Variants in C6orf58 observed in about 807,000 individuals in gnomAD.
C6orf58 encodes chromosome 6 open reading frame 58, also known as protein LEG1 homolog.
In C6orf58, 30 loss-of-function variants were observed where a neutral mutation model predicts 37.0. The observed-to-expected ratio is 0.81, with a 90% CI of 0.61 to 1.10. The LOEUF (loss-of-function observed/expected upper bound fraction) is 1.10, where lower values mean the gene tolerates loss of function less well. C6orf58 is among the 50% of genes least tolerant of loss of function. The pLI is 0.00. For synonymous variants in C6orf58, 143 were observed against 134.1 expected, an observed-to-expected ratio of 1.07 and a Z score of -0.46; for missense variants, 368 against 387.5, an observed-to-expected ratio of 0.95 and a Z score of 0.42.
chr6:127,585,652 C>T (rs1775099512), intron 4 of C6orf58, among the ~76,000 whole-genome samples: 1 of 152,112 alleles, frequency 6.6e-6, no homozygotes, highest in Admixed American at 6.5e-5. Context: ...ACTAATACTC[C>T]AAGAAAACCT....
Position 127,591,573 on chromosome 6 carries a change from A to G in C6orf58, c.944A>G (p.Tyr315Cys). ...GYLCTEKSNV[Y>C]RDHSESSSRS... is the part of the protein sequence containing the mutation. Reference sequence around the variant, plus strand: ...CTTTGTACAGAAAAATCTAATGTATATAGAGATCATTCGGAATCTAGCTCT... The same window carrying G: ...CTTTGTACAGAAAAATCTAATGTATGTAGAGATCATTCGGAATCTAGCTCT... The change falls in exon 6 of 6, where the codon TAT (tyrosine) becomes TGT (cysteine). Residue 315 changes from tyrosine (Y) to cysteine (C), a missense_variant. Coordinates refer to ENST00000329722, the MANE Select transcript of C6orf58 (RefSeq NM_001010905.3). The G allele has an allele frequency of 6.5e-7, 1 of 1,534,154 alleles. No homozygotes were observed. Among genetic ancestry groups the G allele is most frequent in the Non-Finnish European group, 8.7e-7 (1 of 1,147,128 alleles).
chr6:127,585,087 A>G (rs1258461338), intron 4 of C6orf58, among the ~76,000 whole-genome samples: 2 of 152,224 alleles, frequency 1.3e-5, no homozygotes, highest in Non-Finnish European at 2.9e-5. Flanking sequence ...TAGGAATTTC[A>G]TAAAATTTCT....
Position 127,580,516 on chromosome 6 carries a change from T to A in C6orf58, c.573+67T>A, listed in dbSNP as rs1191240072. 12 of 1,246,442 alleles carry A rather than the reference T, an allele frequency of 9.6e-6. No homozygotes were observed. In the East Asian group the frequency reaches 2.8e-4, roughly 29 times the overall value. The allele number at this position is 1,246,442 out of a possible 1,614,324, so 77.2% of individuals were successfully genotyped here. A position where few individuals can be genotyped will look rare whatever the true frequency, so the allele number is the denominator to read the frequency against. On this transcript the variant is annotated intron_variant, in intron 3 of 5. Coordinates refer to ENST00000329722, the MANE Select transcript of C6orf58 (RefSeq NM_001010905.3). The stretch of plus-strand genomic sequence containing the variant: ...TTTGTCATATAATTTCGTCTAGGAT[T>A]TTTTTGTGCATTACATAATATTTTC...
intron 4 of C6orf58, among the ~76,000 whole-genome samples, chr6:127,586,086 G>A (rs562183123): frequency 2.0e-5 from 3 of 152,196 alleles, no homozygotes; most frequent in Admixed American, 2.0e-4. Flanking sequence ...TGAACACTAG[G>A]AAACAAGCAA....
intron 1 of C6orf58, 84 bp downstream of exon 1, chr6:127,577,570 A>C: frequency 8.9e-7 from 1 of 1,129,102 alleles, no homozygotes; most frequent in Non-Finnish European, 1.3e-6. Flanking sequence ...TATATACCCT[A>C]CTATGTTTTT....
chr6:127,589,654 T>G (rs1200421981), intron 4 of C6orf58, among the ~76,000 whole-genome samples: 1 of 152,186 alleles, frequency 6.6e-6, no homozygotes, highest in Non-Finnish European at 1.5e-5. Context: ...ATTATTTTTC[T>G]AGAAATCTCA....
chr6:127,590,400 C>T, intron 5 of C6orf58, 75 bp downstream of exon 5: 1 of 930,486 alleles, frequency 1.1e-6, no homozygotes, highest in Non-Finnish European at 1.7e-6. Context: ...ATAATTAAAT[C>T]AGTGATATAA....
chr6:127,578,328 A>G (rs1054380018), intron 1 of C6orf58, among the ~76,000 whole-genome samples: 6 of 152,112 alleles, frequency 3.9e-5, no homozygotes, highest in Admixed American at 1.3e-4. Flanking sequence ...AAGTCAAGCT[A>G]GTAAGTGGTA....
rs537631071 is a variant in C6orf58, at chr6:127,580,402, C to T, written c.526C>T (p.Arg176Cys). 37 of 1,612,974 alleles carry T rather than the reference C, an allele frequency of 2.3e-5. No homozygotes were observed. In the East Asian group the frequency reaches 3.3e-4, roughly 15 times the overall value. The change falls in exon 3 of 6, where the codon CGT (arginine) becomes TGT (cysteine). Residue 176 changes from arginine to cysteine, a missense_variant. Physicochemically the swap from Arg to Cys is radical, Grantham distance 180. Transcript: ENST00000329722. Reference sequence around the variant, plus strand: ...GTTTTGTTATGATGTTTCTAGCTGTCGTTCATCCTTCCCTGAGACAATGAA... The same window carrying T: ...GTTTTGTTATGATGTTTCTAGCTGTTGTTCATCCTTCCCTGAGACAATGAA... ...RKFCYDVSSC[R>C]SSFPETMNKW...
At chr6:127,577,534 T>C in intron 1 of C6orf58, 48 bp downstream of exon 1, 2 of 1,556,196 alleles carry the variant, frequency 1.3e-6, no homozygotes, top group Non-Finnish European at 1.8e-6. Context: ...GATAGACCTA[T>C]GAAGTATTTG....
Position 127,591,642 on chromosome 6 carries a change from C to G in C6orf58, c.*20C>G. 1 of 1,478,366 alleles carries G rather than the reference C, an allele frequency of 6.8e-7. No homozygotes were observed. Among genetic ancestry groups the G allele is most frequent in the East Asian group, 2.6e-5 (1 of 38,744 alleles). 91.6% of individuals were successfully genotyped at this position (1,478,366 alleles called of 1,614,324 possible). On this transcript the variant is annotated 3_prime_UTR_variant, in exon 6 of 6. Coordinates refer to ENST00000329722, the MANE Select transcript of C6orf58 (RefSeq NM_001010905.3). ...TCCTGAAACATTTAACTTCAAACTT[C>G]AGGAAATGATTAATGAATTAAAAAT...
At chr6:127,589,020 T>C (rs1012779395) in intron 4 of C6orf58, among the ~76,000 whole-genome samples, 4 of 152,174 alleles carry the variant, frequency 2.6e-5, no homozygotes, top group Admixed American at 1.3e-4. Context: ...AGATAACAGG[T>C]ATTATCTGGG....
intron 4 of C6orf58, among the ~76,000 whole-genome samples, chr6:127,586,096 A>G (rs1241383918): frequency 2.0e-5 from 3 of 152,176 alleles, no homozygotes; most frequent in Non-Finnish European, 2.9e-5. Context: ...GAAACAAGCA[A>G]TTGTGAACTG....
At chr6:127,581,146 G>A in intron 3 of C6orf58, 36 bp from the exon 4 acceptor site, 1 of 972,260 alleles carries the variant, frequency 1.0e-6, no homozygotes. Flanking sequence ...TTTTATAGTT[G>A]CTCAAATATT....
chr6:127,591,780 T>C lies in C6orf58; in HGVS notation c.*158T>C, dbSNP rs183283720. The C allele has an allele frequency of 1.2e-5, 7 of 590,246 alleles. No homozygotes were observed. The highest frequency in any genetic ancestry group is 1.7e-5 in the Non-Finnish European group (7 of 405,784). The allele number at this position is 590,246 out of a possible 1,614,324, so 36.6% of individuals were successfully genotyped here. A position where few individuals can be genotyped will look rare whatever the true frequency, so the allele number is the denominator to read the frequency against. The stretch of plus-strand genomic sequence containing the variant: ...TGCTTATTTGTTAAGATCTTGTACA[T>C]GTATTAAAAACTTAAATTAAATGCA... On this transcript the variant is annotated 3_prime_UTR_variant, in exon 6 of 6. Coordinates refer to ENST00000329722, the MANE Select transcript of C6orf58 (RefSeq NM_001010905.3).
intron 4 of C6orf58, among the ~76,000 whole-genome samples, chr6:127,583,042 A>G (rs1286560736): frequency 1.5e-4 from 23 of 152,196 alleles, no homozygotes; most frequent in Non-Finnish European, 4.4e-5. Context: ...GATACTAGCA[A>G]CTAAAGGATT....
chr6:127,582,801 C>A (rs1031282825), intron 4 of C6orf58, among the ~76,000 whole-genome samples: 3 of 152,092 alleles, frequency 2.0e-5, no homozygotes, highest in East Asian at 1.9e-4. Flanking sequence ...GACAGGAGTA[C>A]TCTTGGAATC....
In C6orf58 at chr6:127,578,701, C is replaced by G; in HGVS notation, c.317C>G (p.Pro106Arg). 1 of 1,612,406 alleles carries G rather than the reference C, an allele frequency of 6.2e-7. No individual in the cohort carries two copies. Among genetic ancestry groups the G allele is most frequent in the Non-Finnish European group, 8.5e-7 (1 of 1,178,780 alleles). The change falls in exon 2 of 6, where the codon CCA (proline) becomes CGA (arginine). Residue 106 changes from proline (P) to arginine (R), a missense_variant. Coordinates refer to ENST00000329722, the MANE Select transcript of C6orf58 (RefSeq NM_001010905.3). Reference protein sequence around the residue: ...WQYRTGRLADPTRRTNCGYES... With the variant: ...WQYRTGRLADRTRRTNCGYES... Reference sequence around the variant, plus strand: ...TCTCCTCCAGGCAGATTAGCTGATCCAACCCGAAGGACAAACTGTGGCTAT... The same window carrying G: ...TCTCCTCCAGGCAGATTAGCTGATCGAACCCGAAGGACAAACTGTGGCTAT...
In C6orf58 at chr6:127,591,564, C is replaced by T. The variant is rs199973325; in HGVS notation, c.935C>T (p.Ser312Phe). Residue 312 changes from serine (S) to phenylalanine (F), a missense_variant, in exon 6 of 6, where the codon TCT (serine) becomes TTT (phenylalanine). Ser to Phe is a radical substitution (Grantham distance 155, BLOSUM62 -2). Coordinates refer to ENST00000329722, the MANE Select transcript of C6orf58 (RefSeq NM_001010905.3). Reference sequence around the variant, plus strand: ...ACAGGTTATCTTTGTACAGAAAAATCTAATGTATATAGAGATCATTCGGAA... The same window carrying T: ...ACAGGTTATCTTTGTACAGAAAAATTTAATGTATATAGAGATCATTCGGAA... ...KSIGYLCTEK[S>F]NVYRDHSESS... 7.0e-5 allele frequency: 107 copies of T among 1,522,114 alleles called. 1 individual carries two copies. The highest frequency in any genetic ancestry group is 5.2e-5 in the Non-Finnish European group (60 of 1,143,350). 94.3% of individuals were successfully genotyped at this position (1,522,114 alleles called of 1,614,324 possible).
Sources: gnomAD v4.1 joint callset for allele counts (sites outside exome capture counted in the v4.1 genomes callset) on GRCh38, gnomAD v4.1.1 for gene constraint, MANE v1.5 for transcripts, NCBI Gene and HGNC (gene_info 2026-07-23, HGNC 2026-07-21) for gene names.